The following MORC1 variants were observed in gnomAD, a reference collection of about 807,000 sequenced individuals.
The protein encoded by MORC1 is MORC family CW-type zinc finger 1, also known as MORC family CW-type zinc finger protein 1.
A neutral mutation model predicts 134.9 loss-of-function variants in MORC1; 59 were observed. That is an observed-to-expected ratio of 0.44 (90% CI 0.35 to 0.54). The LOEUF is 0.54. MORC1 is among the 20% of genes least tolerant of loss of function. The pLI is 0.00. For missense variants in MORC1, 947 were observed against 1,134.5 expected, an observed-to-expected ratio of 0.83 and a Z score of 2.37; for synonymous variants, 395 against 391.7, an observed-to-expected ratio of 1.01 and a Z score of -0.10.
intron 20 of MORC1, among the ~76,000 whole-genome samples, chr3:109,002,066 C>G (rs991241253): frequency 1.1e-4 from 16 of 152,190 alleles, no homozygotes; most frequent in Admixed American, 5.9e-4. Context: ...TCCTCCATCA[C>G]CATCATCCTA....
intron 8 of MORC1, among the ~76,000 whole-genome samples, chr3:109,074,088 T>C (rs1302054623): frequency 3.9e-5 from 6 of 152,154 alleles, no homozygotes; most frequent in Admixed American, 2.0e-4. Flanking sequence ...GACTGTCAAT[T>C]TAGAAACATG....
intron 26 of MORC1, among the ~76,000 whole-genome samples, chr3:108,968,932 A>AGTTCAC (rs1249518163): frequency 2.0e-5 from 3 of 151,378 alleles, no homozygotes; most frequent in Non-Finnish European, 4.4e-5. Context: ...AGCTTGGCCA[A>AGTTCAC]GTTCACATCT....
chr3:108,962,231 A>G (rs147608335), intron 27 of MORC1, among the ~76,000 whole-genome samples: 62 of 152,256 alleles, frequency 4.1e-4, no homozygotes, highest in African/African-American at 1.4e-3. Flanking sequence ...CTAGACCATC[A>G]AAGGGGAGAG....
chr3:109,043,256 T>C (rs1432170597), intron 14 of MORC1, among the ~76,000 whole-genome samples: 3 of 150,218 alleles, frequency 2.0e-5, no homozygotes, highest in Admixed American at 6.6e-5. Context: ...TGACATATGC[T>C]ATAACATGGA....
intron 26 of MORC1, among the ~76,000 whole-genome samples, chr3:108,966,172 C>T (rs561349384): frequency 6.6e-6 from 1 of 152,320 alleles, no homozygotes; most frequent in African/African-American, 2.4e-5. Flanking sequence ...GTTAAACCCA[C>T]TCTTGTAGAA....
At chr3:109,065,008 G>A (rs1283818133) in intron 9 of MORC1, among the ~76,000 whole-genome samples, 1 of 152,056 alleles carries the variant, frequency 6.6e-6, no homozygotes. Context: ...CCAATCCACT[G>A]GCAAGTCTTG....
chr3:109,106,522 G>A (rs578262118), intron 3 of MORC1, among the ~76,000 whole-genome samples: 5 of 152,092 alleles, frequency 3.3e-5, no homozygotes, highest in South Asian at 2.1e-4. Flanking sequence ...TTAATTACGC[G>A]TGTCCAAAAC....
At chr3:108,973,873 G>C (rs2107409949) in intron 24 of MORC1, among the ~76,000 whole-genome samples, 1 of 152,262 alleles carries the variant, frequency 6.6e-6, no homozygotes, top group Non-Finnish European at 1.5e-5. Context: ...TGGGATTACA[G>C]TCGTGAGCCA....
At position 109,004,726 on chromosome 3, in the gene MORC1, T is replaced by A; in HGVS notation, c.2085+91A>T. 2.4e-6 allele frequency: 3 copies of A among 1,250,004 alleles called. No homozygotes were observed. In the Admixed American group the frequency reaches 6.5e-5, roughly 27 times the overall value. 77.4% of individuals were successfully genotyped at this position (1,250,004 alleles called of 1,614,324 possible). On this transcript the variant is annotated intron_variant, in intron 20 of 27. Transcript: ENST00000232603. ...GTATGATTTAGTTAAGCATTTTTCC[T>A]ATAAAGCATTGAATGCAAAACTTAA...
intron 3 of MORC1, among the ~76,000 whole-genome samples, chr3:109,105,200 T>G (rs1951003948): frequency 6.6e-6 from 1 of 151,664 alleles, no homozygotes. Flanking sequence ...CTGGCCAACA[T>G]AGTGAGACCT....
Position 109,118,129 on chromosome 3 carries a change from G to GCGCCCA in MORC1, c.-71_-70insTGGGCG. 1.3e-6 allele frequency: 2 copies of GCGCCCA among 1,541,114 alleles called. No homozygotes were observed. The highest frequency in any genetic ancestry group is 1.4e-5 in the African/African-American group (1 of 73,294). Reference sequence around the variant, plus strand: ...GACCGGCAGCCGTTCGCCTGCGCCCGCGCCCACTCCCACGCCCACGCTCAC... The same window carrying GCGCCCA: ...GACCGGCAGCCGTTCGCCTGCGCCCGCGCCCACGCCCACTCCCACGCCCACGCTCAC... On this transcript the variant is annotated 5_prime_UTR_variant, in exon 1 of 28. Coordinates refer to ENST00000232603, the MANE Select transcript of MORC1 (RefSeq NM_014429.4).
intron 9 of MORC1, among the ~76,000 whole-genome samples, chr3:109,066,584 C>A (rs527363128): frequency 1.3e-5 from 2 of 152,204 alleles, no homozygotes; most frequent in African/African-American, 4.8e-5. Context: ...CTGCACCCAG[C>A]CCAGGAATTT....
chr3:109,027,655 C>T, intron 17 of MORC1, 96 bp downstream of exon 17: 1 of 1,470,500 alleles, frequency 6.8e-7, no homozygotes, highest in South Asian at 1.2e-5. Flanking sequence ...AGATTATACA[C>T]ATTTTATTGT....
chr3:108,998,706 G>A (rs1018829580), intron 21 of MORC1, among the ~76,000 whole-genome samples: 3 of 152,008 alleles, frequency 2.0e-5, no homozygotes, highest in Non-Finnish European at 4.4e-5. Flanking sequence ...TTTCCTACTT[G>A]AATTATTGCA....
Position 109,069,756 on chromosome 3 carries a change from A to C in MORC1, c.691T>G (p.Phe231Val). 6.2e-7 allele frequency: 1 copy of C among 1,607,464 alleles called. No homozygotes were observed. Among genetic ancestry groups the C allele is most frequent in the Non-Finnish European group, 8.5e-7 (1 of 1,176,026 alleles). ...DILMAGALED[F>V]PARWSFRAYT... The stretch of plus-strand genomic sequence containing the variant: ...GCTCTGAATGACCACCTCGCTGGGA[A>C]ACTGAAATAGAAAATACAAAATGTC... The change falls in exon 9 of 28, where the codon TTC (phenylalanine) becomes GTC (valine). Residue 231 changes from phenylalanine to valine, a missense_variant and splice_region_variant. This residue lies in a region of MORC1 where 214 missense variants were observed against 281.3 expected (regional missense o/e 0.76). Transcript: ENST00000232603.
intron 14 of MORC1, among the ~76,000 whole-genome samples, chr3:109,049,789 T>C (rs1949778918): frequency 6.6e-6 from 1 of 152,182 alleles, no homozygotes; most frequent in Non-Finnish European, 1.5e-5. Flanking sequence ...CCAATAAGAT[T>C]CCAACAACTC....
intron 21 of MORC1, among the ~76,000 whole-genome samples, chr3:108,995,170 G>A (rs1287994065): frequency 6.6e-6 from 1 of 152,152 alleles, no homozygotes; most frequent in Non-Finnish European, 1.5e-5. Flanking sequence ...ACAGGAGTTT[G>A]TAACTATATC....
At position 109,006,731 on chromosome 3, in the gene MORC1, CA is replaced by C. The variant is rs1576624364; in HGVS notation, c.1767+297del. ...TTCTAGGCAAATTCACATCCATAGA[CA>C]AAAAATATATATGTATATATCCCTA... On this transcript the variant is annotated intron_variant, in intron 18 of 27. Coordinates refer to ENST00000232603, the MANE Select transcript of MORC1 (RefSeq NM_014429.4). Among the ~76,000 whole-genome samples the C allele has an allele frequency of 3.3e-5, 5 of 151,848 alleles. No individual in the cohort carries two copies. In the East Asian group the frequency reaches 9.7e-4, roughly 29 times the overall value.
intron 14 of MORC1, among the ~76,000 whole-genome samples, chr3:109,046,344 G>T (rs545371067): frequency 1.3e-5 from 2 of 152,318 alleles, no homozygotes; most frequent in South Asian, 4.1e-4. Context: ...TCTTCAAGAA[G>T]AAATAAATTT....
Sources: allele counts gnomAD v4.1 joint callset (sites outside exome capture counted in the v4.1 genomes callset), GRCh38; gene constraint gnomAD v4.1.1; regional missense constraint gnomAD v4.1.1; transcripts MANE v1.5; gene names NCBI Gene and HGNC (gene_info 2026-07-23, HGNC 2026-07-21).